Variants in PIEZO1 observed in about 807,000 individuals in gnomAD.
PIEZO1 encodes piezo-type mechanosensitive ion channel component 1.
A neutral mutation model predicts 297.2 loss-of-function variants in PIEZO1; 296 were observed. That is an observed-to-expected ratio of 1.00 (90% CI 0.91 to 1.10). PIEZO1 has a LOEUF of 1.10. Among genes scored for constraint, PIEZO1 ranks in the 50% least tolerant of loss-of-function variants. PIEZO1 has a pLI of 0.00. For missense variants in PIEZO1, 5,018 were observed against 3,455.5 expected, an observed-to-expected ratio of 1.45 and a Z score of -11.34; for synonymous variants, 2,427 against 1,507.5, an observed-to-expected ratio of 1.61 and a Z score of -14.13.
At chr16:88,720,582 CA>C in intron 40 of PIEZO1, 33 bp downstream of exon 40, 1 of 1,542,288 alleles carries the variant, frequency 6.5e-7, no homozygotes, top group Non-Finnish European at 8.7e-7. Flanking sequence ...TCCCCACCCC[CA>C]CTCCCCAGCT....
chr16:88,721,962 G>C lies in PIEZO1; in HGVS notation c.5060C>G (p.Ser1687Trp). Residue 1687 changes from serine to tryptophan, a missense_variant, in exon 37 of 51, where the codon TCG becomes TGG. Coordinates refer to ENST00000301015, the MANE Select transcript of PIEZO1 (RefSeq NM_001142864.4). ...RAVYQCVAAH[S>W]ELLCYFIIIL... is the part of the protein sequence containing the mutation. ...GATGATGAAGTAGCAGAGCAGCTCC[G>C]AGTGGGCGGCCACACACTGGTACAC... 1 of 1,550,072 alleles carries C rather than the reference G, an allele frequency of 6.5e-7. No homozygotes were observed. The highest frequency in any genetic ancestry group is 8.7e-7 in the Non-Finnish European group (1 of 1,146,814).
intron 5 of PIEZO1, 47 bp from the exon 6 acceptor site, chr16:88,738,783 G>A (rs578174536): frequency 4.8e-5 from 70 of 1,470,076 alleles, no homozygotes; most frequent in East Asian, 3.0e-4. Flanking sequence ...TCGCACTGAC[G>A]CCACCTCTCC....
At chr16:88,745,748 C>CA (rs10632115) in intron 2 of PIEZO1, 50,901 of 112,002 alleles carry the variant, frequency 0.45, 11,629 homozygotes, top group Middle Eastern at 0.56. Context: ...GACTCCGTCT[C>CA]AAAAAAAAAA....
chr16:88,765,505 G>C (rs1159500598), intron 1 of PIEZO1, among the ~76,000 whole-genome samples: 1 of 152,032 alleles, frequency 6.6e-6, no homozygotes. Context: ...GACAGAATTG[G>C]GCACCTGTAC....
At chr16:88,727,252 G>A (rs376240139) in intron 23 of PIEZO1, 60 bp from the exon 24 acceptor site, 178 of 1,459,846 alleles carry the variant, frequency 1.2e-4, no homozygotes, top group East Asian at 3.7e-4. Flanking sequence ...TGGGCACGGC[G>A]CATAAATCCC....
At position 88,749,138 on chromosome 16, in the gene PIEZO1, G is replaced by A. The variant is rs1597471625; in HGVS notation, c.160+246C>T. On this transcript the variant is annotated intron_variant, in intron 2 of 50. Coordinates refer to ENST00000301015, the MANE Select transcript of PIEZO1 (RefSeq NM_001142864.4). ...GCCTGTAGTCCCAGCTACCCGGGAG[G>A]CTGAGGCAGGAGAATGGCGTGAACC... 5.3e-5 allele frequency among the ~76,000 whole-genome samples: 8 copies of A among 151,944 alleles called. No individual in the cohort carries two copies. The South Asian group carries it at 1.7e-3, about 32-fold the overall frequency.
At chr16:88,736,958 T>C (rs891110788) in intron 10 of PIEZO1, 7 of 451,290 alleles carry the variant, frequency 1.6e-5, no homozygotes, top group African/African-American at 2.1e-5. Context: ...GGCCTCACTT[T>C]CCTTGAAAGG....
rs923513392 is a variant in PIEZO1, at chr16:88,733,301, C to A, written c.2641G>T (p.Glu881Ter). 1 of 1,547,772 alleles carries A rather than the reference C, an allele frequency of 6.5e-7. No homozygotes were observed. ...LYQLKVVNPQ[E>*]YSSNCTEPFP... ...ACCTCGGTGCAGTTGCTGGAATACT[C>A]CTGGGGGTTGACAACCTTGAGCTGG... The change falls in exon 19 of 51, where the codon GAG (glutamate) becomes TAG (stop). Residue 881 changes from glutamate (E) to a stop codon, truncating the protein, a stop_gained. Coordinates refer to ENST00000301015, the MANE Select transcript of PIEZO1 (RefSeq NM_001142864.4). LOFTEE classifies it high-confidence loss of function.
At chr16:88,737,058 C>T (rs956474547) in intron 10 of PIEZO1, 1 of 277,560 alleles carries the variant, frequency 3.6e-6, no homozygotes, top group Non-Finnish European at 6.8e-6. Flanking sequence ...TCATTTGCTT[C>T]ATTCAGAAAC....
intron 1 of PIEZO1, among the ~76,000 whole-genome samples, chr16:88,752,127 G>A (rs1906421130): frequency 6.6e-6 from 1 of 152,222 alleles, no homozygotes; most frequent in Admixed American, 6.5e-5. Flanking sequence ...TGTCAGTGAT[G>A]GCTGCACAAC....
In PIEZO1 at chr16:88,717,099, G is replaced by A. The variant is rs766429217; in HGVS notation, c.6584C>T (p.Ser2195Leu). The A allele has an allele frequency of 1.4e-4, 218 of 1,551,174 alleles. No homozygotes were observed. The highest frequency in any genetic ancestry group is 1.8e-4 in the Non-Finnish European group (202 of 1,147,132). ...AIIWFPLLFM[S>L]LVRSVVGVVN... ...AACCCCAACCACGGAGCGCACCAGC[G>A]ACATGAAGAGCAGTGGGAACCAGAT... The change falls in exon 45 of 51, where the codon TCG becomes TTG. Residue 2195 changes from serine to leucine, a missense_variant. Transcript: ENST00000301015.
rs1422887222 is a variant in PIEZO1 at position 88,719,722 on chromosome 16, C to T, written c.6324-1G>A. 1.9e-6 allele frequency: 3 copies of T among 1,550,686 alleles called. No homozygotes were observed. The African/African-American group carries it at 4.1e-5, about 21-fold the overall frequency. ...CACCAGGAACGGCACCAGCCGGAACCTGCCCACAGCCAGGGTTCCCGTCAG... is the reference window on the plus strand; with the variant it reads ...CACCAGGAACGGCACCAGCCGGAACTTGCCCACAGCCAGGGTTCCCGTCAG... On this transcript the variant is annotated splice_acceptor_variant, in intron 43 of 50. Transcript: ENST00000301015. LOFTEE classifies it high-confidence loss of function.
chr16:88,723,434 G>C, intron 31 of PIEZO1, 106 bp from the exon 32 acceptor site: 4 of 1,297,074 alleles, frequency 3.1e-6, no homozygotes, highest in East Asian at 5.1e-5. Flanking sequence ...CCTGCTCTGT[G>C]TCTCCCAGGG....
chr16:88,762,197 C>G (rs1006241136), intron 1 of PIEZO1, among the ~76,000 whole-genome samples: 2 of 152,186 alleles, frequency 1.3e-5, no homozygotes, highest in African/African-American at 4.8e-5. Flanking sequence ...GCAGCAAGGT[C>G]TCCCTCCCGG....
intron 22 of PIEZO1, chr16:88,727,872 A>G: frequency 2.6e-6 from 1 of 380,568 alleles, no homozygotes; most frequent in Non-Finnish European, 4.7e-6. Flanking sequence ...CCCTGGGGGC[A>G]AAGGAACTGA....
At chr16:88,771,722 T>C (rs1907432610) in intron 1 of PIEZO1, among the ~76,000 whole-genome samples, 1 of 152,068 alleles carries the variant, frequency 6.6e-6, no homozygotes, top group Non-Finnish European at 1.5e-5. Context: ...CAGATGCCCG[T>C]CCACCCGCGG....
intron 2 of PIEZO1, among the ~76,000 whole-genome samples, chr16:88,749,014 G>A (rs1423226942): frequency 6.6e-6 from 1 of 150,522 alleles, no homozygotes; most frequent in African/African-American, 2.4e-5. Context: ...GAGGCGGGCG[G>A]ATCACAAGGT....
rs1428903487 is a variant in PIEZO1, at chr16:88,723,927, C to T, written c.4279G>A (p.Glu1427Lys). The change falls in exon 31 of 51, where the codon GAA (glutamate) becomes AAA (lysine). Residue 1427 changes from glutamate to lysine, a missense_variant. Physicochemically the swap from Glu to Lys is moderately conservative, Grantham distance 56. Coordinates refer to ENST00000301015, the MANE Select transcript of PIEZO1 (RefSeq NM_001142864.4). The stretch of plus-strand genomic sequence containing the variant: ...TCTTCAGGAACAGCCTCCTCCTCTT[C>T]CTCACTGTCGGACTCAAACAGGAAG... ...DYFLFESDSE[E>K]EEEAVPEDPR... 1 of 1,549,992 alleles carries T rather than the reference C, an allele frequency of 6.5e-7. No homozygotes were observed. The highest frequency in any genetic ancestry group is 8.7e-7 in the Non-Finnish European group (1 of 1,146,492).
intron 44 of PIEZO1, chr16:88,719,150 G>C: frequency 5.0e-6 from 1 of 201,778 alleles, no homozygotes; most frequent in South Asian, 8.9e-5. Flanking sequence ...TGCCCGGCCC[G>C]GGGTTTCTTT....
Sources: gnomAD v4.1 joint callset for allele counts (sites outside exome capture counted in the v4.1 genomes callset) on GRCh38, gnomAD v4.1.1 for gene constraint, MANE v1.5 for transcripts, NCBI Gene and HGNC (gene_info 2026-07-23, HGNC 2026-07-21) for gene names.